SND1: variants seen among roughly 807,000 people sequenced by gnomAD.
SND1 encodes staphylococcal nuclease domain-containing protein 1.
In SND1, 38 loss-of-function variants were observed where a neutral mutation model predicts 121.7. The ratio of observed to expected loss-of-function variants is 0.31; its 90% CI spans 0.24 to 0.41. The LOEUF (loss-of-function observed/expected upper bound fraction) is 0.41, where lower values mean the gene tolerates loss of function less well. SND1 is among the 10% of genes least tolerant of loss of function. The pLI, the probability that SND1 is intolerant of heterozygous loss-of-function variation, is 1.00. For missense variants in SND1, 868 were observed against 1,184.6 expected (o/e 0.73, Z 3.92); for synonymous variants, 401 against 447.4 (o/e 0.90, Z 1.31).
chr7:127,882,015 G>A (rs1227050610), intron 12 of SND1, among the ~76,000 whole-genome samples: 3 of 152,096 alleles, frequency 2.0e-5, no homozygotes, highest in African/African-American at 7.2e-5. Context: ...CACTTTGGGA[G>A]GCCAAGGTGA....
At chr7:127,854,522 ACCT>A (rs1321180846) in intron 12 of SND1, among the ~76,000 whole-genome samples, 1 of 150,420 alleles carries the variant, frequency 6.6e-6, no homozygotes, top group Non-Finnish European at 1.5e-5. Context: ...GATCTTGCTG[ACCT>A]CCTACTAGCA....
In SND1 at chr7:127,694,811, T is replaced by C. The variant is rs746945809; in HGVS notation, c.229-17T>C. On this transcript the variant is annotated splice_polypyrimidine_tract_variant and intron_variant, in intron 2 of 23. Transcript: ENST00000354725. ...AACTAGGCAGTTCTCATGTGACATA[T>C]TTGTTTTGTCTTTCAGCCCTGGGCA... 15 of 1,612,966 alleles carry C rather than the reference T, an allele frequency of 9.3e-6. No homozygotes were observed. Among genetic ancestry groups the C allele is most frequent in the Non-Finnish European group, 1.3e-5 (15 of 1,179,406 alleles).
chr7:127,920,224 G>A (rs1800671088), intron 14 of SND1, among the ~76,000 whole-genome samples: 1 of 152,128 alleles, frequency 6.6e-6, no homozygotes, highest in Non-Finnish European at 1.5e-5. Context: ...ACCTCAAAGA[G>A]ATAAGACATT....
chr7:127,922,186 T>TG (rs1800724999), intron 14 of SND1, among the ~76,000 whole-genome samples: 3 of 91,990 alleles, frequency 3.3e-5, no homozygotes, highest in African/African-American at 7.2e-5. Context: ...TTTTTTTTTT[T>TG]TTTTTTTTTT....
intron 10 of SND1, among the ~76,000 whole-genome samples, chr7:127,778,907 C>T (rs1797669085): frequency 1.3e-5 from 2 of 152,146 alleles, no homozygotes; most frequent in South Asian, 4.1e-4. Context: ...GGCTGCCTCC[C>T]AGGGCCCTGA....
chr7:127,820,341 T>C (rs1304087826), intron 11 of SND1, among the ~76,000 whole-genome samples: 1 of 152,208 alleles, frequency 6.6e-6, no homozygotes, highest in Non-Finnish European at 1.5e-5. Flanking sequence ...CAGGTGCTTT[T>C]TCACATTTTT....
intron 11 of SND1, among the ~76,000 whole-genome samples, chr7:127,838,308 A>G (rs1475542194): frequency 6.6e-6 from 1 of 152,204 alleles, no homozygotes; most frequent in Non-Finnish European, 1.5e-5. Flanking sequence ...GGGGAGCTGA[A>G]CATACTGATG....
At chr7:127,825,037 A>G (rs73721011) in intron 11 of SND1, among the ~76,000 whole-genome samples, 2,592 of 152,312 alleles carry the variant, frequency 0.017, 93 homozygotes, top group African/African-American at 0.059. Context: ...TAGGGAATCT[A>G]ATCTCCCTTA....
At chr7:127,733,035 T>C (rs2116415692) in intron 10 of SND1, among the ~76,000 whole-genome samples, 1 of 152,310 alleles carries the variant, frequency 6.6e-6, no homozygotes, top group Middle Eastern at 3.4e-3. Flanking sequence ...TGGTTCAAGA[T>C]ACTTTTTTCA....
At chr7:127,947,008 T>A (rs537540655) in intron 15 of SND1, among the ~76,000 whole-genome samples, 5 of 152,306 alleles carry the variant, frequency 3.3e-5, no homozygotes, top group African/African-American at 9.6e-5. Flanking sequence ...TTCTAGAAGT[T>A]CAAGGGGTCA....
chr7:127,850,863 G>A (rs888712139), intron 12 of SND1, among the ~76,000 whole-genome samples: 2 of 152,174 alleles, frequency 1.3e-5, no homozygotes, highest in Non-Finnish European at 2.9e-5. Flanking sequence ...TGAATAACTA[G>A]GCCTGTCCTC....
intron 10 of SND1, among the ~76,000 whole-genome samples, chr7:127,760,011 G>A (rs570377371): frequency 6.6e-6 from 1 of 152,164 alleles, no homozygotes; most frequent in South Asian, 2.1e-4. Context: ...GACATACTTG[G>A]GCTCTTGTCT....
intron 1 of SND1, among the ~76,000 whole-genome samples, chr7:127,661,166 C>T (rs995154016): frequency 9.2e-5 from 14 of 152,076 alleles, no homozygotes; most frequent in African/African-American, 2.4e-4. Flanking sequence ...GTTCCCAGGA[C>T]GCTTTGTTTT....
At chr7:128,031,725 G>GCGCGGGTCCGGCGGCGGCGGCGGC (rs1187256634) in intron 16 of SND1, 4 of 143,864 alleles carry the variant, frequency 2.8e-5, no homozygotes, top group Non-Finnish European at 6.1e-5. Flanking sequence ...CCGGGGGCGG[G>GCGCGGGTCCGGCGGCGGCGGCGGC]CGCGGGTCCG....
intron 16 of SND1, among the ~76,000 whole-genome samples, chr7:128,058,447 A>T (rs911500976): frequency 2.0e-5 from 3 of 152,242 alleles, no homozygotes; most frequent in African/African-American, 7.2e-5. Context: ...GCAGAGGCTA[A>T]ATTTGAACTC....
At chr7:127,894,104 A>T (rs1466120840) in intron 13 of SND1, among the ~76,000 whole-genome samples, 1 of 152,040 alleles carries the variant, frequency 6.6e-6, no homozygotes, top group Non-Finnish European at 1.5e-5. Flanking sequence ...TTCTTAAACC[A>T]ATATCCCTGG....
chr7:127,831,071 A>C (rs1452083588), intron 11 of SND1, among the ~76,000 whole-genome samples: 2 of 152,242 alleles, frequency 1.3e-5, no homozygotes, highest in Non-Finnish European at 2.9e-5. Flanking sequence ...AAAGTAAAAA[A>C]CAAAACTCCA....
intron 16 of SND1, chr7:128,030,488 C>T (rs762943168): frequency 1.9e-6 from 3 of 1,613,330 alleles, no homozygotes; most frequent in African/African-American, 2.7e-5. Context: ...GGTTACTGCA[C>T]GAGCAGACGG....
At chr7:127,799,272 A>T (rs942163827) in intron 10 of SND1, among the ~76,000 whole-genome samples, 16 of 152,174 alleles carry the variant, frequency 1.1e-4, no homozygotes, top group African/African-American at 3.9e-4. Flanking sequence ...TGGGATCAAA[A>T]TCCCAGCTTT....
Sources: allele counts gnomAD v4.1 joint callset (sites outside exome capture counted in the v4.1 genomes callset), GRCh38; gene constraint gnomAD v4.1.1; transcripts MANE v1.5; gene names NCBI Gene and HGNC (gene_info 2026-07-23, HGNC 2026-07-21).